NMNAT2: variants seen among roughly 807,000 people sequenced by gnomAD.
NMNAT2 encodes the protein nicotinamide nucleotide adenylyltransferase 2.
Under a neutral mutation model 41.6 loss-of-function variants are expected in NMNAT2, and 11 were observed. That is an observed-to-expected ratio of 0.26 (90% CI 0.17 to 0.44). The LOEUF (loss-of-function observed/expected upper bound fraction) is 0.44, where lower values mean the gene tolerates loss of function less well. Ranked by LOEUF, NMNAT2 falls within the 20% of genes least tolerant of loss-of-function variation. The pLI is 1.00. For missense variants in NMNAT2, 288 were observed against 407.7 expected (o/e 0.71, Z 2.53); for synonymous variants, 148 against 151.2 (o/e 0.98, Z 0.16).
chr1:183,310,969 G>A (rs949581621), intron 1 of NMNAT2, among the ~76,000 whole-genome samples: 4 of 152,180 alleles, frequency 2.6e-5, no homozygotes, highest in Non-Finnish European at 4.4e-5. Flanking sequence ...TCTCCCACAT[G>A]ACAAAGGGAT....
intron 8 of NMNAT2, among the ~76,000 whole-genome samples, chr1:183,267,997 C>G (rs1306213288): frequency 6.6e-6 from 1 of 152,182 alleles, no homozygotes; most frequent in Non-Finnish European, 1.5e-5. Flanking sequence ...GCTTCTACTT[C>G]CTGCTCACAG....
intron 1 of NMNAT2, among the ~76,000 whole-genome samples, chr1:183,389,802 A>AGGGAGGGAGGG (rs1557897619): frequency 7.1e-5 from 6 of 84,270 alleles, no homozygotes; most frequent in Admixed American, 1.3e-4. Flanking sequence ...GAAAGAAAGA[A>AGGGAGGGAGGG]AGAAAGAAAG....
intron 1 of NMNAT2, among the ~76,000 whole-genome samples, chr1:183,367,961 A>AACTGAAACTCTGTACCCAT (rs1663450288): frequency 6.6e-6 from 1 of 152,152 alleles, no homozygotes; most frequent in African/African-American, 2.4e-5. Context: ...CTGCAACTCA[A>AACTGAAACTCTGTACCCAT]TAAGCAAAGA....
At chr1:183,255,663 T>G (rs78097289) in intron 10 of NMNAT2, among the ~76,000 whole-genome samples, 803 of 10,168 alleles carry the variant, frequency 0.079, 17 homozygotes, top group East Asian at 0.42. Context: ...TTCCTAAGGG[T>G]TTTTTTTTTT....
intron 1 of NMNAT2, among the ~76,000 whole-genome samples, chr1:183,307,961 C>T (rs549591249): frequency 2.1e-4 from 32 of 152,164 alleles, no homozygotes; most frequent in Non-Finnish European, 4.3e-4. Flanking sequence ...TTTCGACGGA[C>T]TTTAGTGCTT....
At chr1:183,316,700 C>G (rs1348436225) in intron 1 of NMNAT2, among the ~76,000 whole-genome samples, 3 of 152,224 alleles carry the variant, frequency 2.0e-5, no homozygotes, top group African/African-American at 7.2e-5. Context: ...GCTCCTCCCC[C>G]ACAGCCCTTA....
chr1:183,399,514 C>A (rs928864669), intron 1 of NMNAT2, among the ~76,000 whole-genome samples: 2 of 152,152 alleles, frequency 1.3e-5, no homozygotes, highest in African/African-American at 4.8e-5. Context: ...CCTTCTGAAA[C>A]TTTTCCAATC....
chr1:183,281,692 C>G (rs1054100209), intron 7 of NMNAT2, among the ~76,000 whole-genome samples: 2 of 152,190 alleles, frequency 1.3e-5, no homozygotes, highest in African/African-American at 4.8e-5. Flanking sequence ...TCCTATGAGG[C>G]TAAGGCAAGT....
At chr1:183,336,370 G>A (rs911812342) in intron 1 of NMNAT2, among the ~76,000 whole-genome samples, 4 of 152,152 alleles carry the variant, frequency 2.6e-5, no homozygotes, top group African/African-American at 9.7e-5. Flanking sequence ...AAATTACAAT[G>A]AGATACCACC....
At chr1:183,304,253 T>C (rs1260368544) in intron 1 of NMNAT2, among the ~76,000 whole-genome samples, 1 of 152,166 alleles carries the variant, frequency 6.6e-6, no homozygotes, top group African/African-American at 2.4e-5. Flanking sequence ...AGATATGATA[T>C]TTTGCAGGTA....
At chr1:183,363,619 A>C (rs1185827139) in intron 1 of NMNAT2, among the ~76,000 whole-genome samples, 1 of 151,072 alleles carries the variant, frequency 6.6e-6, no homozygotes, top group Non-Finnish European at 1.5e-5. Flanking sequence ...ACCTCCACTC[A>C]GCATAAGATC....
At chr1:183,261,565 A>T (rs952688561) in intron 8 of NMNAT2, among the ~76,000 whole-genome samples, 3 of 152,198 alleles carry the variant, frequency 2.0e-5, no homozygotes, top group Non-Finnish European at 4.4e-5. Context: ...GTGAACTCTT[A>T]TATGTCTGGG....
intron 1 of NMNAT2, among the ~76,000 whole-genome samples, chr1:183,302,649 G>A (rs982843572): frequency 5.3e-5 from 8 of 151,972 alleles, no homozygotes; most frequent in Admixed American, 5.2e-4. Context: ...TCACACTCAG[G>A]GCCACTGTTC....
chr1:183,321,190 CAACTCAATTTCATA>C (rs1486903430), intron 1 of NMNAT2, among the ~76,000 whole-genome samples: 2 of 152,158 alleles, frequency 1.3e-5, no homozygotes, highest in Admixed American at 6.5e-5. Context: ...CCTTTAATTT[CAACTCAATTTCATA>C]AACGTCTTTC....
intron 10 of NMNAT2, among the ~76,000 whole-genome samples, chr1:183,253,099 T>C (rs1456126227): frequency 6.6e-6 from 1 of 152,062 alleles, no homozygotes; most frequent in Non-Finnish European, 1.5e-5. Context: ...AGACACACAG[T>C]GGGCATCTAA....
intron 1 of NMNAT2, among the ~76,000 whole-genome samples, chr1:183,345,291 C>T (rs531379291): frequency 6.6e-6 from 1 of 152,204 alleles, no homozygotes; most frequent in South Asian, 2.1e-4. Flanking sequence ...ATTCAATCCC[C>T]ATGGTAAATT....
At chr1:183,328,748 CAG>C (rs1227029163) in intron 1 of NMNAT2, among the ~76,000 whole-genome samples, 5 of 152,240 alleles carry the variant, frequency 3.3e-5, no homozygotes, top group Non-Finnish European at 5.9e-5. Flanking sequence ...CCGCAATCTA[CAG>C]AGTCTCCTAG....
At chr1:183,345,900 A>G (rs1015810875) in intron 1 of NMNAT2, among the ~76,000 whole-genome samples, 1 of 151,946 alleles carries the variant, frequency 6.6e-6, no homozygotes, top group Non-Finnish European at 1.5e-5. Context: ...GTTCGCCAGG[A>G]TGGTCTCGAT....
intron 1 of NMNAT2, among the ~76,000 whole-genome samples, chr1:183,388,778 C>T (rs991923234): frequency 3.3e-5 from 5 of 152,202 alleles, no homozygotes; most frequent in Non-Finnish European, 5.9e-5. Flanking sequence ...AAGGCAGAGA[C>T]TTCATTCTTG....
Sources: allele counts gnomAD v4.1 joint callset (sites outside exome capture counted in the v4.1 genomes callset), GRCh38; gene constraint gnomAD v4.1.1; transcripts MANE v1.5; gene names NCBI Gene and HGNC (gene_info 2026-07-23, HGNC 2026-07-21).